ZBTB17: variants seen among roughly 807,000 people sequenced by gnomAD.
ZBTB17 encodes the protein zinc finger and BTB domain-containing protein 17.
A neutral mutation model predicts 85.1 loss-of-function variants in ZBTB17; 24 were observed. That is an observed-to-expected ratio of 0.28 (90% CI 0.20 to 0.40). The LOEUF (loss-of-function observed/expected upper bound fraction) is 0.40. Among genes scored for constraint, ZBTB17 ranks in the 10% least tolerant of loss-of-function variants. The pLI is 1.00. For missense variants in ZBTB17, 743 were observed against 1,105.1 expected (o/e 0.67, Z 4.65); for synonymous variants, 464 against 460.2 (o/e 1.01, Z -0.11).
chr1:15,946,812 C>G (rs1405872970), intron 4 of ZBTB17, 123 bp downstream of exon 4: 13 of 1,259,552 alleles, frequency 1.0e-5, no homozygotes, highest in Non-Finnish European at 1.4e-5. Context: ...CTAACCCTTG[C>G]CAGCACCCAC....
intron 2 of ZBTB17, among the ~76,000 whole-genome samples, chr1:15,968,053 G>A (rs552740470): frequency 2.6e-5 from 4 of 152,242 alleles, no homozygotes; most frequent in South Asian, 2.1e-4. Flanking sequence ...GGCCAGAGAC[G>A]CTACAGAAAC....
At position 15,946,843 on chromosome 1, in the gene ZBTB17, A is replaced by G. The variant is rs1425740793; in HGVS notation, c.394+92T>C. The G allele has an allele frequency of 6.9e-6, 10 of 1,441,388 alleles. No individual in the cohort carries two copies. The East Asian group carries it at 2.4e-4, about 35-fold the overall frequency. The allele number at this position is 1,441,388 out of a possible 1,614,324, so 89.3% of individuals were successfully genotyped here. A position where few individuals can be genotyped will look rare whatever the true frequency, so the allele number is the denominator to read the frequency against. ...CCCACAACCGAGGCAGGGCCAGATG[A>G]GGAAACTGAGACCCAGAAAGTCAGA... On this transcript the variant is annotated intron_variant, in intron 4 of 15. Coordinates refer to ENST00000375743, the MANE Select transcript of ZBTB17 (RefSeq NM_003443.3).
rs927346461 is a variant in ZBTB17 at position 15,973,257 on chromosome 1, A to G, written c.-89-132T>C. ...GCTTAGCACAGAGCCTGGCCCAAGGAAGTGCTGAATAAATGGCCTGCTCTG... is the reference window on the plus strand; with the variant it reads ...GCTTAGCACAGAGCCTGGCCCAAGGGAGTGCTGAATAAATGGCCTGCTCTG... On this transcript the variant is annotated intron_variant, in intron 1 of 15. Coordinates refer to ENST00000375743, the MANE Select transcript of ZBTB17 (RefSeq NM_003443.3). The surrounding 1 kb of genome is among the most constrained non-coding windows in gnomAD (Gnocchi z 4.1). 1.3e-5 allele frequency: 2 copies of G among 152,272 alleles called. No individual in the cohort carries two copies. The highest frequency in any genetic ancestry group is 6.5e-5 in the Admixed American group (1 of 15,288). The allele number at this position is 152,272 out of a possible 1,614,324, so 9.4% of individuals were successfully genotyped here.
intron 12 of ZBTB17, 93 bp downstream of exon 12, chr1:15,943,306 G>A: frequency 1.9e-6 from 3 of 1,592,114 alleles, no homozygotes; most frequent in South Asian, 1.1e-5. Flanking sequence ...GTGGGCAGCA[G>A]TCAGCTCAGT....
In ZBTB17 at chr1:15,946,255, C is replaced by T. The variant is rs761979790; in HGVS notation, c.434G>A (p.Ser145Asn). The T allele has an allele frequency of 1.9e-6, 3 of 1,613,910 alleles. No individual in the cohort carries two copies. Among genetic ancestry groups the T allele is most frequent in the Non-Finnish European group, 2.5e-6 (3 of 1,179,956 alleles). Residue 145 changes from serine (S) to asparagine (N), a missense_variant, in exon 5 of 16, where the codon AGC (serine) becomes AAC (asparagine). Around this residue, in one of 4 missense-constraint regions of ZBTB17, gnomAD observed 279 missense variants for 269.9 expected, o/e 1.03. Transcript: ENST00000375743. ...TGCCTGCTCCAGCCTGCTCAGCGTG[C>T]TGGTGGCCACCTTCTCCTCTTTGGC... ...KRAKEEKVATSTLSRLEQAGR... is the reference protein window; with the variant it reads ...KRAKEEKVATNTLSRLEQAGR...
rs1464277081 is a variant in ZBTB17 at position 15,942,526 on chromosome 1, C to A, written c.2038+3G>T. ...ACTTCCCTCTGCTGCCCACAGCCCG[C>A]ACCTGTGAGCTGAGTGACGGCTGTC... On this transcript the variant is annotated splice_donor_region_variant and intron_variant, in intron 14 of 15. Transcript: ENST00000375743. 1.2e-6 allele frequency: 2 copies of A among 1,610,660 alleles called. No individual in the cohort carries two copies. Among genetic ancestry groups the A allele is most frequent in the East Asian group, 4.5e-5 (2 of 44,888 alleles).
chr1:15,948,538 G>A (rs1468008472), intron 2 of ZBTB17, 41 bp from the exon 3 acceptor site: 2 of 1,591,778 alleles, frequency 1.3e-6, no homozygotes, highest in Non-Finnish European at 1.7e-6. Context: ...CACGGAGAAA[G>A]GACGTCAGAC....
At chr1:15,948,761 C>T (rs118003535) in intron 2 of ZBTB17, among the ~76,000 whole-genome samples, 157 of 152,238 alleles carry the variant, frequency 1.0e-3, no homozygotes, top group East Asian at 9.6e-3. Flanking sequence ...ACGAGGCAGC[C>T]GCCTCCGTAT....
At chr1:15,968,265 A>G (rs998724058) in intron 2 of ZBTB17, among the ~76,000 whole-genome samples, 1 of 152,156 alleles carries the variant, frequency 6.6e-6, no homozygotes, top group Admixed American at 6.5e-5. Flanking sequence ...TCAGCCCTCA[A>G]TTACATGGAG....
At chr1:15,954,915 G>A (rs1421900574) in intron 2 of ZBTB17, among the ~76,000 whole-genome samples, 1 of 152,226 alleles carries the variant, frequency 6.6e-6, no homozygotes, top group African/African-American at 2.4e-5. Context: ...AGCACTTTGG[G>A]AGGCCGAGGC....
At chr1:15,946,840 A>AAC in intron 4 of ZBTB17, 95 bp downstream of exon 4, 1 of 1,429,118 alleles carries the variant, frequency 7.0e-7, no homozygotes, top group Non-Finnish European at 9.4e-7. Context: ...GCAGGGCCAG[A>AAC]TGAGGAAACT....
chr1:15,943,515 C>T lies in ZBTB17; in HGVS notation c.1581G>A (p.Glu527=). ...CGCACATCACACACTGGCATGGCTT[C>T]TCACCTGGGGACCGGGCAGAAGGTG... The part of the protein sequence containing the change: ...LQRHVRIHTG[E]KPCQCVMCGK... The change falls in exon 12 of 16, where the codon GAG becomes GAA. Residue 527 remains glutamate, a synonymous_variant. Coordinates refer to ENST00000375743, the MANE Select transcript of ZBTB17 (RefSeq NM_003443.3). The T allele has an allele frequency of 6.2e-7, 1 of 1,610,066 alleles. No homozygotes were observed. Among genetic ancestry groups the T allele is most frequent in the Non-Finnish European group, 8.5e-7 (1 of 1,177,336 alleles).
At chr1:15,950,738 C>T (rs1052869204) in intron 2 of ZBTB17, among the ~76,000 whole-genome samples, 7 of 152,194 alleles carry the variant, frequency 4.6e-5, no homozygotes, top group African/African-American at 1.7e-4. Flanking sequence ...CCCAGAGGTA[C>T]AAAGAACCCT....
At chr1:15,944,035 A>G in intron 9 of ZBTB17, 140 bp from the exon 10 acceptor site, 1 of 972,772 alleles carries the variant, frequency 1.0e-6, no homozygotes, top group Non-Finnish European at 1.6e-6. Context: ...GGGTCAGGAG[A>G]GGTCCCAGGT....
At chr1:15,956,685 A>G (rs2072055378) in intron 2 of ZBTB17, among the ~76,000 whole-genome samples, 1 of 152,222 alleles carries the variant, frequency 6.6e-6, no homozygotes, top group Non-Finnish European at 1.5e-5. Context: ...GGAAACAGAT[A>G]CATAGAGAGA....
At position 15,971,652 on chromosome 1, in the gene ZBTB17, G is replaced by C. The variant is rs529293539; in HGVS notation, c.-3+1387C>G. 4.8e-5 allele frequency among the ~76,000 whole-genome samples: 7 copies of C among 146,600 alleles called. No individual in the cohort carries two copies. The East Asian group carries it at 1.2e-3, about 25-fold the overall frequency. On this transcript the variant is annotated intron_variant, in intron 2 of 15. Transcript: ENST00000375743. ...GCTGACAGAAAAAAAAAAACGAAAA[G>C]GTTGGGGAGTGCTGCACTATGCAGC... is the stretch of plus-strand genomic sequence containing the variant.
At position 15,945,023 on chromosome 1, in the gene ZBTB17, C is replaced by T. The variant is rs1306582961; in HGVS notation, c.841G>A (p.Gly281Ser). 4 of 1,604,254 alleles carry T rather than the reference C, an allele frequency of 2.5e-6. No homozygotes were observed. Among genetic ancestry groups the T allele is most frequent in the South Asian group, 1.1e-5 (1 of 89,272 alleles). ...GAGCGCAGGCCCCGGGCCTCGGAGC[C>T]GAGCTCCTGCCCCGAGTCTGTGCCC... Reference protein sequence around the residue: ...SAGTDSGQELGSEARGLRSGT... With the variant: ...SAGTDSGQELSSEARGLRSGT... Residue 281 changes from glycine to serine, a missense_variant, in exon 7 of 16, where the codon GGC becomes AGC. Physicochemically the swap from Gly to Ser is moderately conservative, Grantham distance 56 (BLOSUM62 0). Transcript: ENST00000375743.
In ZBTB17 at chr1:15,960,793, G is replaced by A. The variant is rs2072231573; in HGVS notation, c.-3+12246C>T. On this transcript the variant is annotated intron_variant, in intron 2 of 15. Coordinates refer to ENST00000375743, the MANE Select transcript of ZBTB17 (RefSeq NM_003443.3). ...GGTTAAGTAAGAACTGGAAATGGAT[G>A]TAGCTGGACTTCCATGTGTGCACAG... 2.0e-5 allele frequency among the ~76,000 whole-genome samples: 3 copies of A among 152,232 alleles called. No homozygotes were observed. The South Asian group carries it at 6.2e-4, about 31-fold the overall frequency.
chr1:15,946,896 CT>C, intron 4 of ZBTB17, 38 bp downstream of exon 4: 1 of 1,582,522 alleles, frequency 6.3e-7, no homozygotes, highest in South Asian at 1.1e-5. Context: ...AAGCCAAGGT[CT>C]CTGGCCATCT....
Sources: allele counts gnomAD v4.1 joint callset (sites outside exome capture counted in the v4.1 genomes callset), GRCh38; gene constraint gnomAD v4.1.1; regional missense constraint gnomAD v4.1.1; non-coding constraint Gnocchi (gnomAD v3.1); transcripts MANE v1.5; gene names NCBI Gene and HGNC (gene_info 2026-07-23, HGNC 2026-07-21).